ST3GAL2: variants seen among roughly 807,000 people sequenced by gnomAD.
ST3GAL2 encodes CMP-N-acetylneuraminate-beta-galactosamide-alpha-2,3-sialyltransferase 2.
In ST3GAL2, 16 loss-of-function variants were observed where a neutral mutation model predicts 37.5. That is an observed-to-expected ratio of 0.43 (90% CI 0.29 to 0.65). The LOEUF is 0.65. Ranked by LOEUF, ST3GAL2 falls within the 30% of genes least tolerant of loss-of-function variation. The probability of loss-of-function intolerance (pLI) is 0.17; values close to 1 mark genes in which losing one functional copy is unlikely to be tolerated. For synonymous variants in ST3GAL2, 238 were observed against 202.9 expected, an observed-to-expected ratio of 1.17 and a Z score of -1.47; for missense variants, 383 against 487.8, an observed-to-expected ratio of 0.79 and a Z score of 2.02.
chr16:70,398,588 G>T lies in ST3GAL2; in HGVS notation c.-58C>A. On this transcript the variant is annotated 5_prime_UTR_variant, in exon 2 of 7. Transcript: ENST00000342907. ...CACTCTTTTCCCAGCCCGCTGAGGG[G>T]CCAGCCACGGCGTAGCCTGCCTATT... 6.8e-7 allele frequency: 1 copy of T among 1,476,972 alleles called. No individual in the cohort carries two copies. Among genetic ancestry groups the T allele is most frequent in the Non-Finnish European group, 9.1e-7 (1 of 1,102,086 alleles). The allele number at this position is 1,476,972 out of a possible 1,614,324, so 91.5% of individuals were successfully genotyped here.
In ST3GAL2 at chr16:70,398,548, G is replaced by A; in HGVS notation, c.-18C>T. ...CACTTCATGGTGCCGGCAGGCGGGT[G>A]ACGGTCACCGTGGCCACTCTTTTCC... On this transcript the variant is annotated 5_prime_UTR_variant, in exon 2 of 7. Transcript: ENST00000342907. 2 of 1,566,636 alleles carry A rather than the reference G, an allele frequency of 1.3e-6. No individual in the cohort carries two copies.
chr16:70,425,188 G>A (rs2047741630), intron 1 of ST3GAL2, among the ~76,000 whole-genome samples: 1 of 152,134 alleles, frequency 6.6e-6, no homozygotes, highest in African/African-American at 2.4e-5. Context: ...TAGGCCAGGC[G>A]CAGCAGCTCA....
At chr16:70,394,044 C>T (rs1003345243) in intron 3 of ST3GAL2, among the ~76,000 whole-genome samples, 9 of 152,106 alleles carry the variant, frequency 5.9e-5, no homozygotes, top group African/African-American at 2.2e-4. Context: ...TGTCAGAAAA[C>T]GCAGGCTCTG....
chr16:70,430,499 C>T (rs147609709), intron 1 of ST3GAL2, among the ~76,000 whole-genome samples: 11 of 152,326 alleles, frequency 7.2e-5, no homozygotes, highest in African/African-American at 2.4e-4. Flanking sequence ...AGCCTCTTCC[C>T]GTCTAAGGAA....
At chr16:70,392,311 G>A (rs1447219691) in intron 3 of ST3GAL2, among the ~76,000 whole-genome samples, 1 of 152,200 alleles carries the variant, frequency 6.6e-6, no homozygotes, top group Non-Finnish European at 1.5e-5. Flanking sequence ...GAGAAGCCAC[G>A]CCCTGGAAAG....
Position 70,439,037 on chromosome 16 carries a change from C to CCGCCGCCGCCGT in ST3GAL2, c.-1104_-1093dup, listed in dbSNP as rs2047849485. Reference sequence around the variant, plus strand: ...CAGAAAGCCGTCGCCGCCGCCGCCGCCGCCGCCGCCGTCGTCCGGACCCGT... The same window carrying CCGCCGCCGCCGT: ...CAGAAAGCCGTCGCCGCCGCCGCCGCCGCCGCCGCCGTCGCCGCCGCCGTCGTCCGGACCCGT... On this transcript the variant is annotated 5_prime_UTR_variant, in exon 1 of 7. Transcript: ENST00000342907. The CCGCCGCCGCCGT allele has an allele frequency of 6.0e-6, 1 of 165,444 alleles. No individual in the cohort carries two copies. Among genetic ancestry groups the CCGCCGCCGCCGT allele is most frequent in the Admixed American group, 6.6e-5 (1 of 15,238 alleles). 10.2% of individuals were successfully genotyped at this position (165,444 alleles called of 1,614,324 possible).
intron 1 of ST3GAL2, among the ~76,000 whole-genome samples, chr16:70,405,644 A>G (rs1478899264): frequency 6.6e-6 from 1 of 152,040 alleles, no homozygotes; most frequent in African/African-American, 2.4e-5. Context: ...AAATCCATAG[A>G]GACAGACAGT....
In ST3GAL2 at chr16:70,388,392, C is replaced by T. The variant is rs2047457415; in HGVS notation, c.688G>A (p.Ala230Thr). 3.1e-6 allele frequency: 5 copies of T among 1,614,182 alleles called. No individual in the cohort carries two copies. Among genetic ancestry groups the T allele is most frequent in the Non-Finnish European group, 4.2e-6 (5 of 1,180,032 alleles). The change falls in exon 4 of 7, where the codon GCC (alanine) becomes ACC (threonine). Residue 230 changes from alanine to threonine, a missense_variant. Physicochemically the swap from Ala to Thr is moderately conservative, Grantham distance 58 (BLOSUM62 0). Transcript: ENST00000342907. ...KVLDLLWIAS[A>T]LSTGQIRFTY... ...AATCGGATCTGCCCCGTGGACAAGG[C>T]GCTGGCGATCCACAGAAGGTCCAGG...
chr16:70,401,706 G>A (rs1031240769), intron 1 of ST3GAL2, among the ~76,000 whole-genome samples: 3 of 152,048 alleles, frequency 2.0e-5, no homozygotes, highest in African/African-American at 7.2e-5. Context: ...TAAAGAGCTC[G>A]GAGGAGGCAG....
intron 6 of ST3GAL2, 30 bp from the exon 7 acceptor site, chr16:70,381,892 C>T (rs1310019152): frequency 1.2e-6 from 2 of 1,610,154 alleles, no homozygotes; most frequent in Admixed American, 1.7e-5. Flanking sequence ...AGCGTCACCC[C>T]AGGCGGGGAC....
At chr16:70,389,839 T>A (rs561324047) in intron 3 of ST3GAL2, among the ~76,000 whole-genome samples, 121 of 151,702 alleles carry the variant, frequency 8.0e-4, no homozygotes, top group African/African-American at 2.9e-3. Flanking sequence ...CAGGCTGGAG[T>A]GCAGTGTCAC....
In ST3GAL2 at chr16:70,430,723, T is replaced by C. The variant is rs117807634; in HGVS notation, c.-1004+8226A>G. ...AGAGGGCCAGGCCCCAGAAACTCCC[T>C]TGTGGTCTGGCAACCCGAACCCAGG... On this transcript the variant is annotated intron_variant, in intron 1 of 6. Transcript: ENST00000342907. 1.4e-3 allele frequency among the ~76,000 whole-genome samples: 220 copies of C among 152,208 alleles called. 1 individual carries two copies. The East Asian group carries it at 0.041, about 29-fold the overall frequency.
intron 1 of ST3GAL2, among the ~76,000 whole-genome samples, chr16:70,419,943 A>G (rs1597572957): frequency 6.6e-6 from 1 of 151,448 alleles, no homozygotes; most frequent in East Asian, 1.9e-4. Context: ...CCTACTTTGT[A>G]CCAGGCAAAT....
intron 1 of ST3GAL2, among the ~76,000 whole-genome samples, chr16:70,415,042 T>G (rs942874320): frequency 2.6e-5 from 4 of 151,996 alleles, no homozygotes; most frequent in African/African-American, 7.2e-5. Flanking sequence ...CCTGGCTAAC[T>G]TTTTGTATTT....
intron 1 of ST3GAL2, among the ~76,000 whole-genome samples, chr16:70,412,930 C>T (rs2047648865): frequency 6.6e-6 from 1 of 151,688 alleles, no homozygotes; most frequent in Admixed American, 6.6e-5. Flanking sequence ...CCTGTGGTCC[C>T]AGAAAGTCAA....
chr16:70,393,921 C>G (rs1049485547), intron 3 of ST3GAL2, among the ~76,000 whole-genome samples: 1 of 152,174 alleles, frequency 6.6e-6, no homozygotes, highest in Non-Finnish European at 1.5e-5. Flanking sequence ...CAATGCTCAT[C>G]CTAAGAGATG....
chr16:70,403,275 T>C (rs971243317), intron 1 of ST3GAL2, among the ~76,000 whole-genome samples: 1 of 152,004 alleles, frequency 6.6e-6, no homozygotes, highest in African/African-American at 2.4e-5. Context: ...ATCAGGGAGA[T>C]ATGGAGGCTG....
rs56342720 is a variant in ST3GAL2 at position 70,426,181 on chromosome 16, C to CTTTT, written c.-1004+12764_-1004+12767dup. ...TGCAATGCATTATGGGGGCCAAAGCCTTTTTTTTTTTTTTTTTTTTTTTTG... is the reference window on the plus strand; with the variant it reads ...TGCAATGCATTATGGGGGCCAAAGCCTTTTTTTTTTTTTTTTTTTTTTTTTTTTG... On this transcript the variant is annotated intron_variant, in intron 1 of 6. Transcript: ENST00000342907. 1.0e-3 allele frequency among the ~76,000 whole-genome samples: 104 copies of CTTTT among 99,516 alleles called. 1 individual carries two copies. The highest frequency in any genetic ancestry group is 3.5e-3 in the East Asian group (11 of 3,134). The allele number at this position is 99,516 out of a possible 152,430, so 65.3% of individuals were successfully genotyped here. A position where few individuals can be genotyped will look rare whatever the true frequency, so the allele number is the denominator to read the frequency against.
In ST3GAL2 at chr16:70,377,579, C is replaced by T. The variant is rs1425799090; in HGVS notation, c.*4110G>A. On this transcript the variant is annotated 3_prime_UTR_variant, in exon 7 of 7. Transcript: ENST00000342907. ...GTGGCTCACACCTGTAATGCCAGCACCTTGGGAGGCCAAGGTGGGCAGATC... is the reference window on the plus strand; with the variant it reads ...GTGGCTCACACCTGTAATGCCAGCATCTTGGGAGGCCAAGGTGGGCAGATC... 10 of 151,146 alleles carry T rather than the reference C, an allele frequency of 6.6e-5. No individual in the cohort carries two copies. Among genetic ancestry groups the T allele is most frequent in the Admixed American group, 2.6e-4 (4 of 15,100 alleles). 9.4% of individuals were successfully genotyped at this position (151,146 alleles called of 1,614,324 possible).
Sources: gnomAD v4.1 joint callset for allele counts (sites outside exome capture counted in the v4.1 genomes callset) on GRCh38, gnomAD v4.1.1 for gene constraint, MANE v1.5 for transcripts, NCBI Gene and HGNC (gene_info 2026-07-23, HGNC 2026-07-21) for gene names.